Variants in KRTCAP3 observed in about 807,000 individuals in gnomAD.
The protein encoded by KRTCAP3 is keratinocyte-associated protein 3.
Under a neutral mutation model 20.5 loss-of-function variants are expected in KRTCAP3, and 18 were observed. The ratio of observed to expected loss-of-function variants is 0.88; its 90% CI spans 0.61 to 1.31. The LOEUF is 1.31. Ranked by LOEUF, KRTCAP3 falls within the 50% of genes most tolerant of loss-of-function variation. The pLI is 0.00. For synonymous variants in KRTCAP3, 167 were observed against 133.7 expected (o/e 1.25, Z -1.72); for missense variants, 347 against 310.4 (o/e 1.12, Z -0.89).
downstream of KRTCAP3, chr2:27,445,767 A>G: frequency 6.2e-7 from 1 of 1,614,118 alleles, no homozygotes; most frequent in Non-Finnish European, 8.5e-7. The surrounding 1 kb of genome is among the most constrained non-coding windows in gnomAD (Gnocchi z 4.4). Context: ...CTTAGCTGGG[A>G]GTGGCACCTC....
rs541843230 is a variant in KRTCAP3 at position 27,443,297 on chromosome 2, CCTT to C, written c.480+21_480+23del. ...AGAATCTATGTGAGCACATTCTCTT[CCTT>C]CTTGTGGTCTACAAAGCCTTGGTCC... On this transcript the variant is annotated intron_variant, in intron 4 of 6. Coordinates refer to ENST00000288873, the MANE Select transcript of KRTCAP3 (RefSeq NM_173853.4). 128 of 1,613,702 alleles carry C rather than the reference CCTT, an allele frequency of 7.9e-5. 1 individual carries two copies. In the South Asian group the frequency reaches 1.4e-3, roughly 17 times the overall value.
chr2:27,442,475 C>G (rs1012243777), intron 1 of KRTCAP3, 35 bp downstream of exon 1: 49 of 1,558,830 alleles, frequency 3.1e-5, no homozygotes, highest in Non-Finnish European at 4.1e-5. Context: ...GTCTCCTTAC[C>G]CTGGGGCTAC....
downstream of KRTCAP3, chr2:27,444,968 T>C (rs772753536): frequency 6.3e-6 from 10 of 1,586,674 alleles, no homozygotes; most frequent in Admixed American, 1.7e-4. Flanking sequence ...TTTCTTTTTT[T>C]AGTGCTGCCC....
chr2:27,445,092 C>G, downstream of KRTCAP3: 1 of 1,614,004 alleles, frequency 6.2e-7, no homozygotes, highest in Non-Finnish European at 8.5e-7. This position sits in a 1 kb window ranked among gnomAD's most constrained non-coding sequence, Gnocchi z 4.4. Flanking sequence ...TTTTGTTCCT[C>G]AGAATGGGGT....
At chr2:27,443,049 C>A in intron 3 of KRTCAP3, 25 bp from the exon 4 acceptor site, 1 of 1,604,344 alleles carries the variant, frequency 6.2e-7, no homozygotes, top group South Asian at 1.1e-5. Context: ...CCAGGCTGCT[C>A]ACCCTGATCT....
chr2:27,443,062 T>A lies in KRTCAP3; in HGVS notation c.274-12T>A. The A allele has an allele frequency of 6.2e-7, 1 of 1,611,856 alleles. No individual in the cohort carries two copies. The highest frequency in any genetic ancestry group is 8.5e-7 in the Non-Finnish European group (1 of 1,178,630). ...GCCCAGGCTGCTCACCCTGATCTCCTGTCCCTGCCAGCACTGGGTCCTGCT... is the reference window on the plus strand; with the variant it reads ...GCCCAGGCTGCTCACCCTGATCTCCAGTCCCTGCCAGCACTGGGTCCTGCT... On this transcript the variant is annotated splice_polypyrimidine_tract_variant and intron_variant, in intron 3 of 6. Transcript: ENST00000288873.
downstream of KRTCAP3, chr2:27,444,526 G>C (rs1259207198): frequency 4.3e-6 from 7 of 1,611,528 alleles, no homozygotes; most frequent in Admixed American, 1.7e-5. Context: ...GGAGGTCTGT[G>C]AGCAAATGGA....
rs780364737 is a variant in KRTCAP3, at chr2:27,443,527, G to C, written c.610G>C (p.Gly204Arg). 1.4e-5 allele frequency: 22 copies of C among 1,613,932 alleles called. No homozygotes were observed. The highest frequency in any genetic ancestry group is 1.5e-5 in the Non-Finnish European group (18 of 1,179,992). The change falls in exon 5 of 7, where the codon GGG becomes CGG. Residue 204 changes from glycine (G) to arginine (R), a missense_variant. Coordinates refer to ENST00000288873, the MANE Select transcript of KRTCAP3 (RefSeq NM_173853.4). ...GCCCTGCAGGAAGGACGGACTTCAG[G>C]GGCAGGTAAGGAAGGCAAACAGGAA... Reference protein sequence around the residue: ...VGPCRKDGLQGQLEEMTELES... With the variant: ...VGPCRKDGLQRQLEEMTELES...
downstream of KRTCAP3, chr2:27,444,534 G>A: frequency 1.2e-6 from 2 of 1,605,736 alleles, no homozygotes; most frequent in Non-Finnish European, 1.7e-6. Flanking sequence ...GTGAGCAAAT[G>A]GAAGAACATG....
chr2:27,443,668 C>G lies in KRTCAP3; in HGVS notation c.615+136C>G, dbSNP rs533587645. 7.7e-6 allele frequency: 7 copies of G among 914,476 alleles called. No individual in the cohort carries two copies. In the South Asian group the frequency reaches 1.1e-4, roughly 15 times the overall value. 56.6% of individuals were successfully genotyped at this position (914,476 alleles called of 1,614,324 possible). ...CTGAGGCAGGCGGATCACTTGAGGT[C>G]AGGAGTTTGAGACCAGCTTGGACAA... is the stretch of plus-strand genomic sequence containing the variant. On this transcript the variant is annotated intron_variant, in intron 5 of 6. Coordinates refer to ENST00000288873, the MANE Select transcript of KRTCAP3 (RefSeq NM_173853.4).
At chr2:27,445,809 T>G, downstream of KRTCAP3, 1 of 1,613,994 alleles carries the variant, frequency 6.2e-7, no homozygotes, top group South Asian at 1.1e-5. This position sits in a 1 kb window ranked among gnomAD's most constrained non-coding sequence, Gnocchi z 4.4. Flanking sequence ...AAAATCAGAG[T>G]GGTCAAGGCC....
downstream of KRTCAP3, chr2:27,446,251 C>T (rs375261962): frequency 4.6e-5 from 74 of 1,613,612 alleles, no homozygotes; most frequent in Non-Finnish European, 6.2e-5. Flanking sequence ...CTTCCTTGTC[C>T]CAGCTCACCT....
chr2:27,443,325 C>G (rs761909612), intron 4 of KRTCAP3, 45 bp downstream of exon 4: 20 of 1,613,166 alleles, frequency 1.2e-5, no homozygotes, highest in Non-Finnish European at 1.7e-5. Flanking sequence ...AGCCTTGGTC[C>G]TGCCCTTTTA....
chr2:27,445,751 A>C (rs201840472), downstream of KRTCAP3: 36 of 1,614,170 alleles, frequency 2.2e-5, no homozygotes, highest in African/African-American at 2.5e-4. The surrounding 1 kb of genome is among the most constrained non-coding windows in gnomAD (Gnocchi z 4.4). Flanking sequence ...TTACCGGTAC[A>C]TGCTGCTTAG....
Position 27,443,088 on chromosome 2 carries a change from GGCACT to G in KRTCAP3, c.289_293del (p.Ala97SerfsTer33), listed in dbSNP as rs769172431. On this transcript the variant is annotated frameshift_variant, in exon 4 of 7. Coordinates refer to ENST00000288873, the MANE Select transcript of KRTCAP3 (RefSeq NM_173853.4). LOFTEE classifies it high-confidence loss of function. ...GTCCCTGCCAGCACTGGGTCCTGCT[GGCACT>G]AGCTCTGGTGAACCTGCTCTTGTCC... 2 of 1,613,804 alleles carry G rather than the reference GGCACT, an allele frequency of 1.2e-6. No homozygotes were observed. The highest frequency in any genetic ancestry group is 1.7e-6 in the Non-Finnish European group (2 of 1,179,996).
At chr2:27,445,334 G>A (rs1280545536), downstream of KRTCAP3, 4 of 1,613,190 alleles carry the variant, frequency 2.5e-6, no homozygotes, top group Non-Finnish European at 2.5e-6. This position sits in a 1 kb window ranked among gnomAD's most constrained non-coding sequence, Gnocchi z 4.4. Flanking sequence ...ACCAGTGCTC[G>A]CTGCCACTAG....
At chr2:27,446,122 C>T, downstream of KRTCAP3, 8 of 1,376,510 alleles carry the variant, frequency 5.8e-6, no homozygotes, top group Non-Finnish European at 7.2e-6. Flanking sequence ...GAGAAAAATC[C>T]AGGAAGACAT....
chr2:27,442,980 A>G (rs1253204241), intron 3 of KRTCAP3, 79 bp downstream of exon 3: 13 of 1,585,226 alleles, frequency 8.2e-6, no homozygotes, highest in Admixed American at 1.7e-5. Flanking sequence ...TGGTCTTTCA[A>G]TAGATTGGAG....
chr2:27,445,713 GGCC>G (rs761953375), downstream of KRTCAP3: 18 of 1,610,430 alleles, frequency 1.1e-5, no homozygotes, highest in South Asian at 1.9e-4. The surrounding 1 kb of genome is among the most constrained non-coding windows in gnomAD (Gnocchi z 4.4). Flanking sequence ...ACACTGGTGA[GGCC>G]TTCCGGTTTT....
Sources: allele counts gnomAD v4.1 joint callset, GRCh38; gene constraint gnomAD v4.1.1; non-coding constraint Gnocchi (gnomAD v3.1); transcripts MANE v1.5; gene names NCBI Gene and HGNC (gene_info 2026-07-23, HGNC 2026-07-21).